The following AKAP7 variants were observed in gnomAD, a reference collection of about 807,000 sequenced individuals.
AKAP7 encodes the protein A-kinase anchoring protein 7, also known as A kinase (PRKA) anchor protein 7.
Under a neutral mutation model 39.5 loss-of-function variants are expected in AKAP7, and 39 were observed. The ratio of observed to expected loss-of-function variants is 0.99; its 90% CI spans 0.76 to 1.29. The LOEUF (loss-of-function observed/expected upper bound fraction) is 1.29, where lower values mean the gene tolerates loss of function less well. Ranked by LOEUF, AKAP7 falls within the 50% of genes most tolerant of loss-of-function variation. AKAP7 has a pLI of 0.00. For missense variants in AKAP7, 414 were observed against 407.7 expected (o/e 1.02, Z -0.13); for synonymous variants, 140 against 139.1 (o/e 1.01, Z -0.05).
At position 131,169,123 on chromosome 6, in the gene AKAP7, G is replaced by T. The variant is rs61756669; in HGVS notation, c.439G>T (p.Ala147Ser). 3.0e-3 allele frequency: 4,797 copies of T among 1,609,956 alleles called. 124 individuals carry two copies. In the African/African-American group the frequency reaches 0.054, roughly 18 times the overall value. The change falls in exon 5 of 8, where the codon GCT becomes TCT. Residue 147 changes from alanine (A) to serine (S), a missense_variant. Ala to Ser is a moderately conservative substitution (Grantham distance 99). Transcript: ENST00000431975. ...ATTATTTCTTACTAGTGGTATTGAT[G>T]CTCTTTTGGAATTGAAACCATTCAT... The part of the protein sequence containing the change: ...NEDEVNIGID[A>S]LLELKPFIEE...
rs1562238185 is a variant in AKAP7, at chr6:131,241,626, T to TGTGTGTGTATAC, written c.850+21820_850+21821insGTGTGTATACGT. ...GTGTGTGTGTGTGTGTGTGTGTGTG[T>TGTGTGTGTATAC]GTATATATATATGACAGTTATAGGA... On this transcript the variant is annotated intron_variant, in intron 7 of 7. Transcript: ENST00000431975. 1.2e-4 allele frequency among the ~76,000 whole-genome samples: 16 copies of TGTGTGTGTATAC among 135,730 alleles called. 1 individual carries two copies. Among genetic ancestry groups the TGTGTGTGTATAC allele is most frequent in the African/African-American group, 3.9e-4 (12 of 31,122 alleles). 89.0% of individuals were successfully genotyped at this position (135,730 alleles called of 152,430 possible).
chr6:131,136,935 T>G (rs1800594422), intron 1 of AKAP7: 1 of 869,226 alleles, frequency 1.2e-6, no homozygotes, highest in South Asian at 5.3e-5. Context: ...AACTTATTTA[T>G]GTATGTACTT....
chr6:131,214,710 ATATTAAGGGCATG>A (rs1203986129), intron 6 of AKAP7, among the ~76,000 whole-genome samples: 1 of 152,270 alleles, frequency 6.6e-6, no homozygotes, highest in East Asian at 1.9e-4. Context: ...TTCATGCACT[ATATTAAGGGCATG>A]TATTTTAGAA....
intron 1 of AKAP7, among the ~76,000 whole-genome samples, chr6:131,140,161 G>C (rs73633158): frequency 0.017 from 2,615 of 152,282 alleles, 74 homozygotes; most frequent in African/African-American, 0.06. Context: ...AACCACTCTT[G>C]CACATCGGAA....
rs773131426 is a variant in AKAP7, at chr6:131,141,899, CT to C, written c.20-3367del. 4.2e-3 allele frequency among the ~76,000 whole-genome samples: 490 copies of C among 116,194 alleles called. 1 individual carries two copies. The highest frequency in any genetic ancestry group is 9.2e-3 in the African/African-American group (297 of 32,392). The allele number at this position is 116,194 out of a possible 152,430, so 76.2% of individuals were successfully genotyped here. A position where few individuals can be genotyped will look rare whatever the true frequency, so the allele number is the denominator to read the frequency against. The stretch of plus-strand genomic sequence containing the variant: ...ATAGAAGAAATTTCTTTCTTTCTTT[CT>C]TTTTTTTTTTTTTTTTTTGCAACAG... On this transcript the variant is annotated intron_variant, in intron 1 of 7. Transcript: ENST00000431975.
chr6:131,159,329 G>A lies in AKAP7; in HGVS notation c.152-730G>A, dbSNP rs185678701. Among the ~76,000 whole-genome samples, 1,337 of 152,108 alleles carry A rather than the reference G, an allele frequency of 8.8e-3. 19 individuals carry two copies. The highest frequency in any genetic ancestry group is 0.029 in the African/African-American group (1,200 of 41,496). On this transcript the variant is annotated intron_variant, in intron 2 of 7. Transcript: ENST00000431975. ...AGGATGGTCTTGATCTCCTGACCTCGTGATTCGCCCGCCTCGGCCTCCCAA... is the reference window on the plus strand; with the variant it reads ...AGGATGGTCTTGATCTCCTGACCTCATGATTCGCCCGCCTCGGCCTCCCAA...
At chr6:131,215,312 G>T (rs1809050074) in intron 6 of AKAP7, among the ~76,000 whole-genome samples, 1 of 152,254 alleles carries the variant, frequency 6.6e-6, no homozygotes, top group South Asian at 2.1e-4. Context: ...GCCCAGAGCG[G>T]CCAGAGGAGA....
intron 7 of AKAP7, among the ~76,000 whole-genome samples, chr6:131,271,271 A>G (rs778310060): frequency 4.6e-5 from 7 of 152,166 alleles, no homozygotes; most frequent in Non-Finnish European, 1.0e-4. Context: ...TATTTTGCAT[A>G]TGGATATATA....
chr6:131,170,060 A>G (rs745943965), intron 5 of AKAP7, among the ~76,000 whole-genome samples: 25 of 145,934 alleles, frequency 1.7e-4, no homozygotes, highest in Non-Finnish European at 3.4e-4. Context: ...TTAAAAAGCA[A>G]TGTAATAATA....
chr6:131,169,313 G>T lies in AKAP7; in HGVS notation c.589+40G>T, dbSNP rs1803806045. The T allele has an allele frequency of 3.8e-6, 6 of 1,596,448 alleles. No homozygotes were observed. In the East Asian group the frequency reaches 1.1e-4, roughly 30 times the overall value. On this transcript the variant is annotated intron_variant, in intron 5 of 7. Coordinates refer to ENST00000431975, the MANE Select transcript of AKAP7 (RefSeq NM_016377.4). ...CACTCATATGAAATCTTGTCTGTTG[G>T]AGAAGCAATTTTTTTCAATTTTGTA...
intron 6 of AKAP7, among the ~76,000 whole-genome samples, chr6:131,215,244 G>T (rs1209032144): frequency 6.6e-6 from 1 of 152,204 alleles, no homozygotes; most frequent in Non-Finnish European, 1.5e-5. Flanking sequence ...GCCTCAGCAA[G>T]ACAGCAAACA....
chr6:131,168,997 A>G, intron 4 of AKAP7, 116 bp from the exon 5 acceptor site: 7 of 931,104 alleles, frequency 7.5e-6, no homozygotes, highest in Admixed American at 3.1e-5. Flanking sequence ...TGAGCCTTAA[A>G]ATAATTAGTA....
At chr6:131,248,122 G>A (rs1812180565) in intron 7 of AKAP7, among the ~76,000 whole-genome samples, 1 of 152,228 alleles carries the variant, frequency 6.6e-6, no homozygotes, top group Admixed American at 6.5e-5. Context: ...AATTGGAAGA[G>A]CAGGAGGCAA....
intron 6 of AKAP7, among the ~76,000 whole-genome samples, chr6:131,209,726 G>A (rs1171835139): frequency 6.6e-6 from 1 of 151,684 alleles, no homozygotes; most frequent in Non-Finnish European, 1.5e-5. Context: ...GTTTTTCTCA[G>A]CGAGTCGTTT....
chr6:131,158,656 G>A (rs183629585), intron 2 of AKAP7, among the ~76,000 whole-genome samples: 421 of 152,092 alleles, frequency 2.8e-3, no homozygotes, highest in Non-Finnish European at 4.5e-3. Context: ...ACAGGCTTGT[G>A]CTACCATGCC....
rs1300845753 is a variant in AKAP7 at position 131,241,575 on chromosome 6, ATATGTG to A, written c.850+21769_850+21774del. On this transcript the variant is annotated intron_variant, in intron 7 of 7. Coordinates refer to ENST00000431975, the MANE Select transcript of AKAP7 (RefSeq NM_016377.4). ...GAGAGGTCCAGGACATAGATTATAT[ATATGTG>A]TGTGTGTGTGTGTGTGTGTGTGTGT... 9.1e-4 allele frequency among the ~76,000 whole-genome samples: 58 copies of A among 63,870 alleles called. 1 individual carries two copies. The South Asian group carries it at 0.02, about 22-fold the overall frequency. The allele number at this position is 63,870 out of a possible 152,430, so 41.9% of individuals were successfully genotyped here.
intron 5 of AKAP7, among the ~76,000 whole-genome samples, chr6:131,174,405 A>G (rs937163566): frequency 1.3e-5 from 2 of 152,246 alleles, no homozygotes; most frequent in Admixed American, 6.5e-5. Flanking sequence ...ATTTTTGTCA[A>G]TATTTTACTT....
intron 4 of AKAP7, among the ~76,000 whole-genome samples, chr6:131,167,866 C>G (rs1243507756): frequency 6.6e-6 from 1 of 152,078 alleles, no homozygotes; most frequent in African/African-American, 2.4e-5. Context: ...CTGATTTTTT[C>G]AAACACTTGG....
chr6:131,255,846 A>G (rs1461403698), intron 7 of AKAP7, among the ~76,000 whole-genome samples: 2 of 152,178 alleles, frequency 1.3e-5, no homozygotes, highest in African/African-American at 4.8e-5. Context: ...ATGTGATGCA[A>G]TTCTTTCTCT....
Sources: gnomAD v4.1 joint callset for allele counts (sites outside exome capture counted in the v4.1 genomes callset) on GRCh38, gnomAD v4.1.1 for gene constraint, MANE v1.5 for transcripts, NCBI Gene and HGNC (gene_info 2026-07-23, HGNC 2026-07-21) for gene names.